RMND5A: variants seen among roughly 807,000 people sequenced by gnomAD.
The protein encoded by RMND5A is required for meiotic nuclear division 5 homolog A.
RMND5A carries 17 observed loss-of-function variants against 49.7 expected under a neutral mutation model. The ratio of observed to expected loss-of-function variants is 0.34; its 90% CI spans 0.23 to 0.51. The LOEUF is 0.51. Ranked by LOEUF, RMND5A falls within the 20% of genes least tolerant of loss-of-function variation. The pLI, the probability that RMND5A is intolerant of heterozygous loss-of-function variation, is 0.96. For missense variants in RMND5A, 255 were observed against 471.3 expected, an observed-to-expected ratio of 0.54 and a Z score of 4.25; for synonymous variants, 156 against 167.7, an observed-to-expected ratio of 0.93 and a Z score of 0.54.
At chr2:86,748,552 T>C (rs569721298) in intron 2 of RMND5A, 8 of 152,234 alleles carry the variant, frequency 5.3e-5, no homozygotes, top group Non-Finnish European at 1.0e-4. Flanking sequence ...CTTAAGAAAA[T>C]AGAGATACAC....
intron 6 of RMND5A, among the ~76,000 whole-genome samples, chr2:86,767,771 T>G (rs1672625658): frequency 6.6e-6 from 1 of 152,260 alleles, no homozygotes; most frequent in South Asian, 2.1e-4. Flanking sequence ...TTTAGAAAAC[T>G]ACTACCTGTT....
chr2:86,762,734 AT>A, intron 4 of RMND5A, among the ~76,000 whole-genome samples: 1 of 95,866 alleles, frequency 1.0e-5, no homozygotes. Context: ...TATCATATAT[AT>A]CATATATATA....
intron 8 of RMND5A, among the ~76,000 whole-genome samples, chr2:86,772,440 G>T (rs1476556058): frequency 6.6e-6 from 1 of 152,096 alleles, no homozygotes; most frequent in African/African-American, 2.4e-5. Context: ...GGGCGACAGA[G>T]CAAGACTCCA....
intron 6 of RMND5A, among the ~76,000 whole-genome samples, chr2:86,766,705 T>A (rs1672603292): frequency 6.6e-6 from 1 of 151,114 alleles, no homozygotes; most frequent in Non-Finnish European, 1.5e-5. Flanking sequence ...AGAATATTCT[T>A]GGCCTGGTGT....
intron 4 of RMND5A, among the ~76,000 whole-genome samples, chr2:86,760,705 G>A (rs951339183): frequency 5.3e-5 from 8 of 152,104 alleles, no homozygotes; most frequent in Admixed American, 2.6e-4. Flanking sequence ...ATTGGAAGAC[G>A]GACTTGGCAA....
At chr2:86,753,407 C>T (rs1681671687) in intron 3 of RMND5A, 51 bp from the exon 4 acceptor site, 1 of 1,080,786 alleles carries the variant, frequency 9.3e-7, no homozygotes, top group East Asian at 2.4e-5. Context: ...ACCACTAGCT[C>T]CTTACCCTGA....
At chr2:86,761,021 A>C (rs989626409) in intron 4 of RMND5A, among the ~76,000 whole-genome samples, 1 of 150,378 alleles carries the variant, frequency 6.6e-6, no homozygotes, top group Non-Finnish European at 1.5e-5. Flanking sequence ...TTTGGCTACT[A>C]TTCGGGCCAA....
At position 86,773,800 on chromosome 2, in the gene RMND5A, G is replaced by A. The variant is rs1339978564; in HGVS notation, c.*389G>A. The A allele has an allele frequency of 6.4e-6, 1 of 156,770 alleles. No individual in the cohort carries two copies. Among genetic ancestry groups the A allele is most frequent in the East Asian group, 1.9e-4 (1 of 5,398 alleles). 9.7% of individuals were successfully genotyped at this position (156,770 alleles called of 1,614,324 possible). A position where few individuals can be genotyped will look rare whatever the true frequency, so the allele number is the denominator to read the frequency against. Reference sequence around the variant, plus strand: ...CTTGATAATCGTAAGCCTTGAGAGTGTTTGTGAAAAAGTTTTATTTCCTGT... The same window carrying A: ...CTTGATAATCGTAAGCCTTGAGAGTATTTGTGAAAAAGTTTTATTTCCTGT... On this transcript the variant is annotated 3_prime_UTR_variant, in exon 9 of 9. Transcript: ENST00000283632.
Position 86,743,707 on chromosome 2 carries a change from T to G in RMND5A, c.285+2638T>G, listed in dbSNP as rs371547937. Among the ~76,000 whole-genome samples the G allele has an allele frequency of 2.8e-4, 43 of 152,214 alleles. No homozygotes were observed. The South Asian group carries it at 7.1e-3, about 25-fold the overall frequency. On this transcript the variant is annotated intron_variant, in intron 2 of 8. Coordinates refer to ENST00000283632, the MANE Select transcript of RMND5A (RefSeq NM_022780.4). ...TATGAAACTATATTATTTAGTCGGC[T>G]GGGCGTGGTGGCTCACACTTGTAAT...
intron 4 of RMND5A, among the ~76,000 whole-genome samples, chr2:86,762,490 C>T (rs1256103919): frequency 6.6e-6 from 1 of 150,548 alleles, no homozygotes; most frequent in Non-Finnish European, 1.5e-5. Flanking sequence ...ACTAAAAATG[C>T]AAAAATGAGC....
chr2:86,772,890 CTT>C (rs1275882809), intron 8 of RMND5A, among the ~76,000 whole-genome samples: 4 of 152,108 alleles, frequency 2.6e-5, no homozygotes. Flanking sequence ...AATTGTTGAT[CTT>C]AGTTCAGGCT....
At chr2:86,773,203 T>C (rs1249758318) in intron 8 of RMND5A, 145 bp from the exon 9 acceptor site, 18 of 448,846 alleles carry the variant, frequency 4.0e-5, no homozygotes, top group Non-Finnish European at 4.0e-6. Flanking sequence ...GCATAGTTCA[T>C]CCTCAAAGCA....
At position 86,770,044 on chromosome 2, in the gene RMND5A, G is replaced by A. The variant is rs375806443; in HGVS notation, c.876G>A (p.Ala292=). ...LSVSFSAGCV[A]LPALINIKAV... ...CCAGTTTCTCAGCAGGTTGTGTGGC[G>A]CTGCCAGCTTTAATTAACATCAAAG... is the stretch of plus-strand genomic sequence containing the variant. Residue 292 remains alanine, a synonymous_variant, in exon 7 of 9, where the codon GCG becomes GCA. Coordinates refer to ENST00000283632, the MANE Select transcript of RMND5A (RefSeq NM_022780.4). 64 of 1,613,638 alleles carry A rather than the reference G, an allele frequency of 4.0e-5. No homozygotes were observed. The highest frequency in any genetic ancestry group is 4.2e-5 in the Non-Finnish European group (50 of 1,179,744).
intron 1 of RMND5A, among the ~76,000 whole-genome samples, chr2:86,725,213 A>G (rs1681270854): frequency 7.5e-6 from 1 of 132,672 alleles, no homozygotes; most frequent in Admixed American, 7.7e-5. Flanking sequence ...TTAGTAAGTC[A>G]TACATTCAAA....
chr2:86,735,032 A>G (rs1332948016), intron 1 of RMND5A, among the ~76,000 whole-genome samples: 1 of 148,470 alleles, frequency 6.7e-6, no homozygotes, highest in African/African-American at 2.6e-5. Flanking sequence ...CTTATTGAAT[A>G]CTTAATGTAA....
intron 2 of RMND5A, among the ~76,000 whole-genome samples, chr2:86,743,140 T>C (rs1037196049): frequency 6.6e-6 from 1 of 152,196 alleles, no homozygotes; most frequent in African/African-American, 2.4e-5. Context: ...AGCAGGTCTT[T>C]ATAGATATTC....
intron 5 of RMND5A, 97 bp downstream of exon 5, chr2:86,765,290 G>A: frequency 9.5e-7 from 1 of 1,056,116 alleles, no homozygotes. Flanking sequence ...CTGTTTGCCA[G>A]TAAACAGTTG....
chr2:86,747,468 T>G (rs1344423769), intron 2 of RMND5A, among the ~76,000 whole-genome samples: 1 of 152,246 alleles, frequency 6.6e-6, no homozygotes, highest in East Asian at 1.9e-4. Flanking sequence ...AATCCAGGTC[T>G]TCTTACTCTG....
At chr2:86,754,938 A>G (rs747470644) in intron 4 of RMND5A, among the ~76,000 whole-genome samples, 2 of 152,142 alleles carry the variant, frequency 1.3e-5, no homozygotes, top group Non-Finnish European at 2.9e-5. Context: ...GTATAAATTT[A>G]TATAAAATTC....
Sources: allele counts gnomAD v4.1 joint callset (sites outside exome capture counted in the v4.1 genomes callset), GRCh38; gene constraint gnomAD v4.1.1; transcripts MANE v1.5; gene names NCBI Gene and HGNC (gene_info 2026-07-23, HGNC 2026-07-21).